The following GPC5 variants were observed in gnomAD, a reference collection of about 807,000 sequenced individuals.
GPC5 encodes glypican-5.
A neutral mutation model predicts 53.9 loss-of-function variants in GPC5; 47 were observed. The observed-to-expected ratio is 0.87, with a 90% CI of 0.69 to 1.11. GPC5 has a LOEUF of 1.11. Among genes scored for constraint, GPC5 ranks in the 50% most tolerant of loss-of-function variants. The pLI is 0.00. For synonymous variants in GPC5, 286 were observed against 263.3 expected, an observed-to-expected ratio of 1.09 and a Z score of -0.84; for missense variants, 748 against 713.1, an observed-to-expected ratio of 1.05 and a Z score of -0.56.
chr13:91,789,626 G>T (rs762607635), intron 5 of GPC5, among the ~76,000 whole-genome samples: 10 of 152,122 alleles, frequency 6.6e-5, no homozygotes, highest in Non-Finnish European at 1.2e-4. Context: ...AGGTAAAAAT[G>T]CACGCTGACT....
intron 7 of GPC5, among the ~76,000 whole-genome samples, chr13:92,338,499 C>T (rs572978732): frequency 6.6e-6 from 1 of 152,160 alleles, no homozygotes; most frequent in South Asian, 2.1e-4. Flanking sequence ...CTGGAAGCAA[C>T]CAGGTTGCTC....
chr13:92,047,442 A>T (rs911239499), intron 6 of GPC5, among the ~76,000 whole-genome samples: 53 of 99,894 alleles, frequency 5.3e-4, no homozygotes, highest in African/African-American at 1.4e-3. Flanking sequence ...ATATATATAT[A>T]TTTTTTTTTC....
rs113060124 is a variant in GPC5 at position 91,515,943 on chromosome 13, C to A, written c.325+67021C>A. Among the ~76,000 whole-genome samples, 1,220 of 152,238 alleles carry A rather than the reference C, an allele frequency of 8.0e-3. 14 individuals carry two copies. The highest frequency in any genetic ancestry group is 0.025 in the African/African-American group (1,020 of 41,522). ...TGGCAAAAGAAAAATGAGGAAGAAG[C>A]AAAAGAGCAAACCCCTGATAAACCC... On this transcript the variant is annotated intron_variant, in intron 2 of 7. Coordinates refer to ENST00000377067, the MANE Select transcript of GPC5 (RefSeq NM_004466.6).
At chr13:92,023,417 G>T (rs2040775000) in intron 6 of GPC5, among the ~76,000 whole-genome samples, 1 of 151,948 alleles carries the variant, frequency 6.6e-6, no homozygotes, top group African/African-American at 2.4e-5. Context: ...TGCTTAAAAA[G>T]TAATGGTCAA....
intron 5 of GPC5, among the ~76,000 whole-genome samples, chr13:91,857,414 G>C (rs1201028507): frequency 6.6e-6 from 1 of 151,208 alleles, no homozygotes; most frequent in Admixed American, 6.6e-5. Context: ...GTAGTTTTCA[G>C]GATAGTATTA....
intron 2 of GPC5, among the ~76,000 whole-genome samples, chr13:91,456,537 A>G (rs1310929542): frequency 6.6e-6 from 1 of 151,982 alleles, no homozygotes; most frequent in African/African-American, 2.4e-5. Context: ...TTTATTTCTT[A>G]TACTAAATAT....
intron 6 of GPC5, among the ~76,000 whole-genome samples, chr13:92,046,671 C>T (rs2040984262): frequency 6.6e-6 from 1 of 152,152 alleles, no homozygotes; most frequent in South Asian, 2.1e-4. Context: ...TCACACAGTT[C>T]TATATCTTAT....
chr13:92,646,451 T>C (rs1445469664), intron 7 of GPC5, among the ~76,000 whole-genome samples: 1 of 152,126 alleles, frequency 6.6e-6, no homozygotes, highest in Non-Finnish European at 1.5e-5. Context: ...TCAAACCATA[T>C]GAATCCTCCA....
At chr13:91,539,207 T>A (rs796664085) in intron 2 of GPC5, among the ~76,000 whole-genome samples, 5 of 152,304 alleles carry the variant, frequency 3.3e-5, no homozygotes, top group South Asian at 2.1e-4. Flanking sequence ...AGCTTTTTTT[T>A]AAAAGCGTTA....
intron 2 of GPC5, among the ~76,000 whole-genome samples, chr13:91,690,559 A>G (rs435417): frequency 0.2 from 30,807 of 152,142 alleles, 3,941 homozygotes; most frequent in African/African-American, 0.35. Flanking sequence ...ATTCTCTTCA[A>G]CATTGCTTTT....
intron 7 of GPC5, among the ~76,000 whole-genome samples, chr13:92,263,167 T>C (rs1421742651): frequency 2.6e-5 from 4 of 152,098 alleles, no homozygotes; most frequent in Non-Finnish European, 5.9e-5. Context: ...ATTATATTTG[T>C]AAATTATTAG....
At chr13:92,427,686 T>C (rs2139370192) in intron 7 of GPC5, among the ~76,000 whole-genome samples, 1 of 152,172 alleles carries the variant, frequency 6.6e-6, no homozygotes, top group African/African-American at 2.4e-5. Context: ...GATGATTCCA[T>C]TGAGTCAAGT....
At chr13:92,422,466 G>C in intron 7 of GPC5, among the ~76,000 whole-genome samples, 1 of 147,678 alleles carries the variant, frequency 6.8e-6, no homozygotes, top group Admixed American at 6.8e-5. Flanking sequence ...AGATCTTTCT[G>C]TAAGCACCAC....
rs113632205 is a variant in GPC5 at position 91,694,092 on chromosome 13, C to A, written c.1020+211C>A. Among the ~76,000 whole-genome samples the A allele has an allele frequency of 7.2e-3, 1,096 of 152,216 alleles. 14 individuals are homozygous for A. The highest frequency in any genetic ancestry group is 0.024 in the African/African-American group (1,005 of 41,510). On this transcript the variant is annotated intron_variant, in intron 3 of 7. Coordinates refer to ENST00000377067, the MANE Select transcript of GPC5 (RefSeq NM_004466.6). ...TGAAAGGGTGAGTACTGTGACGTGG[C>A]AAGAGCTCAGGTTTGAAATCAGGAA...
At chr13:92,761,607 C>T (rs919774030) in intron 7 of GPC5, among the ~76,000 whole-genome samples, 2 of 152,070 alleles carry the variant, frequency 1.3e-5, no homozygotes, top group East Asian at 1.9e-4. Flanking sequence ...TATTTGTGTC[C>T]TTAATGCTAA....
chr13:92,387,142 A>G (rs1051928083), intron 7 of GPC5, among the ~76,000 whole-genome samples: 6 of 152,080 alleles, frequency 3.9e-5, no homozygotes, highest in African/African-American at 1.4e-4. Flanking sequence ...TGATGGTGTG[A>G]AAGCAAATGC....
At chr13:91,751,776 C>G (rs146855552) in intron 4 of GPC5, among the ~76,000 whole-genome samples, 1 of 152,148 alleles carries the variant, frequency 6.6e-6, no homozygotes, top group South Asian at 2.1e-4. Context: ...CACATTGAAA[C>G]GAGCATACAT....
chr13:92,724,075 G>A (rs375311273), intron 7 of GPC5, among the ~76,000 whole-genome samples: 2 of 151,316 alleles, frequency 1.3e-5, no homozygotes, highest in Non-Finnish European at 3.0e-5. Context: ...TAATGTTTTT[G>A]TTGTATAAGT....
chr13:91,657,576 A>G (rs2209653), intron 2 of GPC5, among the ~76,000 whole-genome samples: 31,671 of 151,800 alleles, frequency 0.21, 5,214 homozygotes, highest in African/African-American at 0.45. Context: ...TCCCACCCAA[A>G]ACATGGATAT....
Sources: gnomAD v4.1 joint callset for allele counts (sites outside exome capture counted in the v4.1 genomes callset) on GRCh38, gnomAD v4.1.1 for gene constraint, MANE v1.5 for transcripts, NCBI Gene and HGNC (gene_info 2026-07-23, HGNC 2026-07-21) for gene names.